Variants in TFDP2 observed in about 807,000 individuals in gnomAD.
The protein encoded by TFDP2 is transcription factor Dp-2.
Under a neutral mutation model 59.3 loss-of-function variants are expected in TFDP2, and 17 were observed. The observed-to-expected ratio is 0.29, with a 90% CI of 0.20 to 0.43. The LOEUF (loss-of-function observed/expected upper bound fraction) is 0.43. Among genes scored for constraint, TFDP2 ranks in the 20% least tolerant of loss-of-function variants. The pLI, the probability that TFDP2 is intolerant of heterozygous loss-of-function variation, is 1.00. For missense variants in TFDP2, 391 were observed against 528.8 expected, an observed-to-expected ratio of 0.74 and a Z score of 2.56; for synonymous variants, 180 against 194.7, an observed-to-expected ratio of 0.92 and a Z score of 0.63.
intron 3 of TFDP2, among the ~76,000 whole-genome samples, chr3:142,069,699 C>A (rs992991034): frequency 6.6e-6 from 1 of 151,922 alleles, no homozygotes; most frequent in South Asian, 2.1e-4. Context: ...CCTCTGCCTC[C>A]CAGGTTCAAG....
At chr3:142,055,989 T>C (rs1054504681) in intron 3 of TFDP2, among the ~76,000 whole-genome samples, 1 of 141,250 alleles carries the variant, frequency 7.1e-6, no homozygotes, top group African/African-American at 2.7e-5. Context: ...AGTCTCGCTC[T>C]GTCGCCCAGG....
intron 2 of TFDP2, among the ~76,000 whole-genome samples, chr3:142,098,078 A>G (rs1340262682): frequency 6.6e-6 from 1 of 152,192 alleles, no homozygotes; most frequent in Non-Finnish European, 1.5e-5. Flanking sequence ...GGCGTGAGCC[A>G]TCGCGCTGGG....
At chr3:141,969,157 A>G (rs1939189374) in intron 9 of TFDP2, among the ~76,000 whole-genome samples, 1 of 93,962 alleles carries the variant, frequency 1.1e-5, no homozygotes. Flanking sequence ...TATGAGATAT[A>G]TATATAACAT....
In TFDP2 at chr3:142,121,321, G is replaced by A. The variant is rs1438385305; in HGVS notation, c.-92-19480C>T. Reference sequence around the variant, plus strand: ...CCCTTCAAGAAGTTCACAAACAAATGAGCAAGACAAATGCATACAGTATAA... The same window carrying A: ...CCCTTCAAGAAGTTCACAAACAAATAAGCAAGACAAATGCATACAGTATAA... On this transcript the variant is annotated intron_variant, in intron 1 of 12. Transcript: ENST00000489671. The surrounding 1 kb of genome is among the most constrained non-coding windows in gnomAD (Gnocchi z 4.3). Among the ~76,000 whole-genome samples, 2 of 152,116 alleles carry A rather than the reference G, an allele frequency of 1.3e-5. No individual in the cohort carries two copies. Among genetic ancestry groups the A allele is most frequent in the Admixed American group, 6.6e-5 (1 of 15,252 alleles).
At chr3:142,091,055 G>A (rs147496776) in intron 3 of TFDP2, among the ~76,000 whole-genome samples, 84 of 152,168 alleles carry the variant, frequency 5.5e-4, no homozygotes, top group Non-Finnish European at 5.3e-4. Flanking sequence ...TCCCAGTTAC[G>A]TGTTGTGAAT....
chr3:142,013,125 G>A (rs1337776867), intron 3 of TFDP2, among the ~76,000 whole-genome samples: 1 of 152,046 alleles, frequency 6.6e-6, no homozygotes, highest in Non-Finnish European at 1.5e-5. Context: ...GTGACAGAGC[G>A]AGACTCCATC....
intron 3 of TFDP2, among the ~76,000 whole-genome samples, chr3:142,081,390 A>C (rs1007212895): frequency 6.6e-6 from 1 of 152,156 alleles, no homozygotes; most frequent in South Asian, 2.1e-4. Flanking sequence ...AAGTGAAAAA[A>C]CTTCAAATAG....
chr3:142,037,356 T>G (rs915443980), intron 3 of TFDP2, among the ~76,000 whole-genome samples: 5 of 152,082 alleles, frequency 3.3e-5, no homozygotes, highest in Non-Finnish European at 5.9e-5. Flanking sequence ...TTAACTGCAA[T>G]GAAAAAAACT....
intron 4 of TFDP2, among the ~76,000 whole-genome samples, chr3:141,995,527 T>C (rs752094108): frequency 1.1e-4 from 16 of 152,302 alleles, no homozygotes; most frequent in Admixed American, 3.9e-4. Context: ...CAGTCCATCA[T>C]ACAGTATACA....
intron 2 of TFDP2, among the ~76,000 whole-genome samples, chr3:142,094,493 A>AG (rs2061100918): frequency 6.6e-6 from 1 of 151,314 alleles, no homozygotes; most frequent in African/African-American, 2.4e-5. Context: ...TTAGTAGAGA[A>AG]GGGGTTTCAC....
intron 3 of TFDP2, among the ~76,000 whole-genome samples, chr3:142,051,432 G>A (rs144682830): frequency 0.034 from 5,151 of 152,100 alleles, 287 homozygotes; most frequent in African/African-American, 0.12. Flanking sequence ...CCAGCTACTC[G>A]GGAGGCTGAA....
intron 3 of TFDP2, among the ~76,000 whole-genome samples, chr3:142,024,471 C>T (rs541267461): frequency 6.6e-6 from 1 of 152,206 alleles, no homozygotes; most frequent in South Asian, 2.1e-4. Flanking sequence ...GAAATATAGG[C>T]ATCAGGCACA....
intron 9 of TFDP2, among the ~76,000 whole-genome samples, chr3:141,965,508 G>T (rs1395361126): frequency 1.1e-5 from 1 of 91,872 alleles, no homozygotes; most frequent in Non-Finnish European, 2.0e-5. Context: ...AAAAAGAAAA[G>T]AAAAAAAGGA....
At chr3:141,996,842 G>T (rs73872533) in intron 4 of TFDP2, among the ~76,000 whole-genome samples, 1 of 152,242 alleles carries the variant, frequency 6.6e-6, no homozygotes, top group East Asian at 1.9e-4. Context: ...TTATGAAATA[G>T]TTTCAATCCG....
At chr3:141,963,754 T>C in intron 10 of TFDP2, 58 bp downstream of exon 10, 1 of 1,539,092 alleles carries the variant, frequency 6.5e-7, no homozygotes, top group Non-Finnish European at 8.7e-7. Flanking sequence ...AGTTTGCAAA[T>C]GATATGAAAA....
intron 3 of TFDP2, chr3:142,028,733 C>T: frequency 4.1e-6 from 4 of 985,068 alleles, no homozygotes; most frequent in Non-Finnish European, 4.8e-6. Context: ...AAAAGATGCT[C>T]AAGAAAACTG....
intron 3 of TFDP2, among the ~76,000 whole-genome samples, chr3:142,023,889 G>A (rs1560052331): frequency 1.3e-5 from 2 of 152,112 alleles, no homozygotes; most frequent in Non-Finnish European, 2.9e-5. Context: ...CTGCAGCCCT[G>A]ACCTGGGCTC....
intron 3 of TFDP2, chr3:142,028,510 G>A (rs1946258689): frequency 2.1e-6 from 2 of 952,624 alleles, no homozygotes; most frequent in African/African-American, 1.8e-5. Flanking sequence ...TATTGCTGCT[G>A]CTTAAAGAAT....
rs186644047 is a variant in TFDP2, at chr3:141,952,316, G to A, written c.*197C>T. The A allele has an allele frequency of 6.3e-4, 307 of 490,012 alleles. 2 individuals are homozygous for A. Among genetic ancestry groups the A allele is most frequent in the Admixed American group, 4.1e-3 (94 of 23,196 alleles). The allele number at this position is 490,012 out of a possible 1,614,324, so 30.4% of individuals were successfully genotyped here. On this transcript the variant is annotated 3_prime_UTR_variant, in exon 13 of 13. Transcript: ENST00000489671. ...ATATCATCTACTGCTCTGTTGGCCA[G>A]ACTTTCATTCACACTATGTTAACTT...
Sources: allele counts gnomAD v4.1 joint callset (sites outside exome capture counted in the v4.1 genomes callset), GRCh38; gene constraint gnomAD v4.1.1; non-coding constraint Gnocchi (gnomAD v3.1); transcripts MANE v1.5; gene names NCBI Gene and HGNC (gene_info 2026-07-23, HGNC 2026-07-21).